Variants in HDAC9 observed in about 807,000 individuals in gnomAD.
HDAC9 encodes the protein MEF-2 interacting transcription repressor (MITR) protein.
Under a neutral mutation model 139.4 loss-of-function variants are expected in HDAC9, and 41 were observed. That is an observed-to-expected ratio of 0.29 (90% CI 0.23 to 0.38). HDAC9 has a LOEUF of 0.38. Ranked by LOEUF, HDAC9 falls within the 10% of genes least tolerant of loss-of-function variation. The probability of loss-of-function intolerance (pLI) is 1.00; values close to 1 mark genes in which losing one functional copy is unlikely to be tolerated. For synonymous variants in HDAC9, 517 were observed against 476.2 expected (o/e 1.09, Z -1.12); for missense variants, 1,147 against 1,297.0 (o/e 0.88, Z 1.78).
At chr7:18,699,518 A>G (rs1783307300) in intron 12 of HDAC9, among the ~76,000 whole-genome samples, 2 of 152,212 alleles carry the variant, frequency 1.3e-5, no homozygotes, top group African/African-American at 2.4e-5. Flanking sequence ...AAATCAGTAC[A>G]GAAGAACATG....
chr7:18,850,236 T>C (rs1797190614), intron 21 of HDAC9, among the ~76,000 whole-genome samples: 2 of 152,210 alleles, frequency 1.3e-5, no homozygotes, highest in Non-Finnish European at 1.5e-5. Flanking sequence ...TTTCCTTGAA[T>C]AGCACAAAAG....
intron 3 of HDAC9, 64 bp downstream of exon 3, chr7:18,585,586 T>C (rs1829227282): frequency 6.3e-7 from 1 of 1,575,530 alleles, no homozygotes; most frequent in Non-Finnish European, 8.6e-7. Flanking sequence ...GCATGAACAG[T>C]GCCCATGGGA....
chr7:18,929,428 TG>T (rs1216738114), intron 22 of HDAC9, among the ~76,000 whole-genome samples: 3 of 152,104 alleles, frequency 2.0e-5, no homozygotes, highest in Non-Finnish European at 4.4e-5. Context: ...TTCAAGGTCA[TG>T]GTAATTACCA....
chr7:18,587,137 G>A (rs1194093988), intron 3 of HDAC9, among the ~76,000 whole-genome samples: 1 of 152,060 alleles, frequency 6.6e-6, no homozygotes, highest in African/African-American at 2.4e-5. Context: ...TTATATTGCT[G>A]CCTTTGATAG....
chr7:18,295,281 G>A (rs1038668148), intron 1 of HDAC9, among the ~76,000 whole-genome samples: 2 of 152,010 alleles, frequency 1.3e-5, no homozygotes, highest in Non-Finnish European at 2.9e-5. Flanking sequence ...AGTTTTTAAG[G>A]AAAACAAAAG....
chr7:18,546,315 G>C (rs1352127087), intron 2 of HDAC9, among the ~76,000 whole-genome samples: 2 of 152,166 alleles, frequency 1.3e-5, no homozygotes, highest in African/African-American at 4.8e-5. Context: ...GGGATATATA[G>C]TCCCATGCAT....
chr7:18,969,058 C>CCA (rs145223691), intron 24 of HDAC9, among the ~76,000 whole-genome samples: 7,388 of 147,476 alleles, frequency 0.05, 220 homozygotes, highest in Middle Eastern at 0.096. Context: ...GATGAAGTTG[C>CCA]CACACACACA....
In HDAC9 at chr7:18,488,466, G is replaced by A. The variant is rs187511151; in HGVS notation, c.-41-7796G>A. On this transcript the variant is annotated intron_variant, in intron 1 of 3. Coordinates refer to the HDAC9 transcript ENST00000413509. ...AGGGTCACAGAAATGCTGTTTATAC[G>A]AAGTATAAAAATTGTGTTATAAGTT... Among the ~76,000 whole-genome samples, 47 of 152,078 alleles carry A rather than the reference G, an allele frequency of 3.1e-4. 1 individual carries two copies. In the East Asian group the frequency reaches 8.3e-3, roughly 27 times the overall value.
At chr7:18,965,383 G>C (rs944457802) in intron 24 of HDAC9, among the ~76,000 whole-genome samples, 14 of 152,190 alleles carry the variant, frequency 9.2e-5, no homozygotes, top group Admixed American at 2.0e-4. Flanking sequence ...CATTGACAGA[G>C]AGGACGCTTG....
At chr7:18,347,460 GA>G (rs1281445895) in intron 1 of HDAC9, among the ~76,000 whole-genome samples, 2 of 152,138 alleles carry the variant, frequency 1.3e-5, no homozygotes, top group Non-Finnish European at 2.9e-5. Context: ...CATTTGCTTA[GA>G]TTTCTACCAC....
intron 2 of HDAC9, among the ~76,000 whole-genome samples, chr7:18,273,162 A>C (rs1242727219): frequency 6.8e-6 from 1 of 147,336 alleles, no homozygotes; most frequent in African/African-American, 2.5e-5. Context: ...TCGTGGACTT[A>C]AGCTAGCCAT....
chr7:18,891,159 A>C (rs2129269341), intron 22 of HDAC9, among the ~76,000 whole-genome samples: 1 of 152,208 alleles, frequency 6.6e-6, no homozygotes, highest in East Asian at 1.9e-4. Context: ...TCTTTAGTCA[A>C]AGATTTCTCC....
intron 1 of HDAC9, among the ~76,000 whole-genome samples, chr7:18,111,097 T>C (rs1189615440): frequency 6.6e-6 from 1 of 152,200 alleles, no homozygotes; most frequent in East Asian, 1.9e-4. Context: ...ACTCTGAGGA[T>C]GTGGCAAGAA....
At chr7:18,405,425 A>G (rs1203023326) in intron 1 of HDAC9, among the ~76,000 whole-genome samples, 1 of 152,044 alleles carries the variant, frequency 6.6e-6, no homozygotes, top group Non-Finnish European at 1.5e-5. Flanking sequence ...TCATCCCCCT[A>G]TCTTACTCAC....
intron 1 of HDAC9, among the ~76,000 whole-genome samples, chr7:18,431,893 G>A (rs1790706658): frequency 6.6e-6 from 1 of 152,172 alleles, no homozygotes; most frequent in Non-Finnish European, 1.5e-5. Context: ...AAAGAACACT[G>A]TGTTGAGTAC....
At chr7:18,548,544 T>C (rs1381852347) in intron 2 of HDAC9, among the ~76,000 whole-genome samples, 1 of 152,208 alleles carries the variant, frequency 6.6e-6, no homozygotes, top group Non-Finnish European at 1.5e-5. Flanking sequence ...AATTAGCTCT[T>C]GGATTTATTG....
intron 2 of HDAC9, among the ~76,000 whole-genome samples, chr7:18,583,190 A>G (rs998391725): frequency 3.3e-5 from 5 of 152,134 alleles, no homozygotes; most frequent in Admixed American, 6.6e-5. Flanking sequence ...AGAAATTTCC[A>G]TTTCATATAA....
At chr7:18,604,719 A>G (rs1203326406) in intron 6 of HDAC9, among the ~76,000 whole-genome samples, 3 of 151,966 alleles carry the variant, frequency 2.0e-5, no homozygotes, top group Non-Finnish European at 4.4e-5. Flanking sequence ...TTAAATTTCT[A>G]CTGCTGTGCT....
At chr7:18,626,460 C>G (rs961770552) in intron 6 of HDAC9, among the ~76,000 whole-genome samples, 5 of 152,158 alleles carry the variant, frequency 3.3e-5, no homozygotes. Flanking sequence ...TGAAGAAAAT[C>G]CCTCCAACAT....
Sources: gnomAD v4.1 joint callset for allele counts (sites outside exome capture counted in the v4.1 genomes callset) on GRCh38, gnomAD v4.1.1 for gene constraint, MANE v1.5 for transcripts, NCBI Gene and HGNC (gene_info 2026-07-23, HGNC 2026-07-21) for gene names.